Variants in SULF2 observed in about 807,000 individuals in gnomAD.
SULF2 encodes extracellular sulfatase Sulf-2.
SULF2 carries 52 observed loss-of-function variants against 107.7 expected under a neutral mutation model. The observed-to-expected ratio is 0.48, with a 90% CI of 0.39 to 0.61. The LOEUF is 0.61. SULF2 is among the 20% of genes least tolerant of loss of function. The probability of loss-of-function intolerance (pLI) is 0.00; values close to 1 mark genes in which losing one functional copy is unlikely to be tolerated. For missense variants in SULF2, 993 were observed against 1,177.3 expected (o/e 0.84, Z 2.29); for synonymous variants, 460 against 464.3 (o/e 0.99, Z 0.12).
intron 3 of SULF2, among the ~76,000 whole-genome samples, chr20:47,719,578 T>G (rs1030706893): frequency 6.6e-6 from 1 of 152,220 alleles, no homozygotes; most frequent in Non-Finnish European, 1.5e-5. Context: ...AATAAGCACC[T>G]ATCATCTCTA....
intron 2 of SULF2, among the ~76,000 whole-genome samples, chr20:47,752,875 C>T (rs981328952): frequency 3.9e-5 from 6 of 152,030 alleles, no homozygotes; most frequent in East Asian, 1.9e-4. Context: ...GCCGAGGCGG[C>T]GGACTGCTTG....
At chr20:47,661,367 T>C (rs1401911353) in intron 18 of SULF2, 2 of 154,088 alleles carry the variant, frequency 1.3e-5, no homozygotes, top group Non-Finnish European at 1.4e-5. Context: ...TTTTACCCTT[T>C]CCATACAAGC....
chr20:47,695,716 C>T (rs773122454), intron 4 of SULF2, among the ~76,000 whole-genome samples: 9 of 152,150 alleles, frequency 5.9e-5, no homozygotes, highest in South Asian at 2.1e-4. Context: ...TGGGTTCAAG[C>T]GATTCTCCTG....
Position 47,676,625 on chromosome 20 carries a change from T to A in SULF2, c.1251-2A>T. On this transcript the variant is annotated splice_acceptor_variant, in intron 9 of 20. Coordinates refer to ENST00000688720, the MANE Select transcript of SULF2 (RefSeq NM_001387048.1). LOFTEE classifies it high-confidence loss of function. ...TTGTCTCTCTTGTGTAGCAGCTTGCTATGGGGCAGAGAGCAGGAGCCGCGG... is the reference window on the plus strand; with the variant it reads ...TTGTCTCTCTTGTGTAGCAGCTTGCAATGGGGCAGAGAGCAGGAGCCGCGG... 5 of 1,550,678 alleles carry A rather than the reference T, an allele frequency of 3.2e-6. No individual in the cohort carries two copies. Among genetic ancestry groups the A allele is most frequent in the Non-Finnish European group, 4.4e-6 (5 of 1,147,556 alleles).
At chr20:47,677,163 A>G (rs745938934) in intron 8 of SULF2, 29 bp from the exon 9 acceptor site, 1 of 1,613,004 alleles carries the variant, frequency 6.2e-7, no homozygotes, top group Non-Finnish European at 8.5e-7. Flanking sequence ...CCTGCTTCTC[A>G]GCAACATGAG....
At position 47,665,943 on chromosome 20, in the gene SULF2, G is replaced by C. The variant is rs866772736; in HGVS notation, c.1816C>G (p.Leu606Val). ...TCACACTGGACTGTGTCGTTCTCTA[G>C]GATGTAGCACCTGCTTGAGAGAAGG... ...PIKVTHRCYI[L>V]ENDTVQCDLD... The change falls in exon 13 of 21, where the codon CTA (leucine) becomes GTA (valine). Residue 606 changes from leucine to valine, a missense_variant. Physicochemically the swap from Leu to Val is conservative, Grantham distance 32 (BLOSUM62 1). Coordinates refer to ENST00000688720, the MANE Select transcript of SULF2 (RefSeq NM_001387048.1). 14 of 1,613,970 alleles carry C rather than the reference G, an allele frequency of 8.7e-6. No homozygotes were observed. The highest frequency in any genetic ancestry group is 1.2e-5 in the Non-Finnish European group (14 of 1,179,988).
intron 3 of SULF2, among the ~76,000 whole-genome samples, chr20:47,716,964 T>C (rs1251884226): frequency 6.6e-6 from 1 of 152,194 alleles, no homozygotes; most frequent in Non-Finnish European, 1.5e-5. Flanking sequence ...GAGCTGTGAT[T>C]GTGCCACTGC....
intron 3 of SULF2, among the ~76,000 whole-genome samples, chr20:47,727,164 C>T (rs2089467007): frequency 6.6e-6 from 1 of 152,086 alleles, no homozygotes; most frequent in Admixed American, 6.6e-5. Flanking sequence ...TGAGGGTGAC[C>T]GTGTTTGTAA....
At chr20:47,731,436 G>A (rs987548447) in intron 3 of SULF2, among the ~76,000 whole-genome samples, 2 of 151,668 alleles carry the variant, frequency 1.3e-5, no homozygotes, top group African/African-American at 2.4e-5. Flanking sequence ...CAGGTGATCC[G>A]CCCATCCCTG....
chr20:47,663,051 T>C lies in SULF2; in HGVS notation c.2370+19A>G. 1 of 1,614,010 alleles carries C rather than the reference T, an allele frequency of 6.2e-7. No individual in the cohort carries two copies. Among genetic ancestry groups the C allele is most frequent in the Non-Finnish European group, 8.5e-7 (1 of 1,179,956 alleles). Reference sequence around the variant, plus strand: ...GGTGTACCCCACACCCCCATCCCTCTAGCTCGGGTTGCCTGTACCTGGTAG... The same window carrying C: ...GGTGTACCCCACACCCCCATCCCTCCAGCTCGGGTTGCCTGTACCTGGTAG... On this transcript the variant is annotated intron_variant, in intron 17 of 20. Coordinates refer to ENST00000688720, the MANE Select transcript of SULF2 (RefSeq NM_001387048.1).
intron 2 of SULF2, 100 bp downstream of exon 2, chr20:47,757,089 A>C (rs1600660412): frequency 9.0e-7 from 1 of 1,112,302 alleles, no homozygotes; most frequent in East Asian, 2.6e-5. Flanking sequence ...AAAAGTGAGC[A>C]CGACGCATCA....
intron 3 of SULF2, among the ~76,000 whole-genome samples, chr20:47,709,520 G>A (rs114549007): frequency 6.6e-6 from 1 of 152,316 alleles, no homozygotes; most frequent in African/African-American, 2.4e-5. Flanking sequence ...GTTGACTCCA[G>A]GAATGTGTGC....
intron 10 of SULF2, among the ~76,000 whole-genome samples, chr20:47,675,163 G>A (rs1340999179): frequency 2.6e-5 from 4 of 152,162 alleles, no homozygotes; most frequent in Admixed American, 6.5e-5. Context: ...TTCCCTCGTC[G>A]AGGGGCAAAG....
At chr20:47,686,280 T>C (rs997057100) in intron 5 of SULF2, 1 of 152,160 alleles carries the variant, frequency 6.6e-6, no homozygotes, top group Admixed American at 6.5e-5. Context: ...CAATGGGAGA[T>C]TAAACCAAAA....
chr20:47,715,224 T>C (rs1028093026), intron 3 of SULF2, among the ~76,000 whole-genome samples: 2 of 151,648 alleles, frequency 1.3e-5, no homozygotes, highest in African/African-American at 4.8e-5. Context: ...AGTCACCATG[T>C]CCAGCCTCAA....
chr20:47,663,029 G>A (rs529032859), intron 17 of SULF2, 41 bp downstream of exon 17: 5 of 1,612,708 alleles, frequency 3.1e-6, no homozygotes, highest in East Asian at 4.5e-5. Context: ...CAGCACTGGT[G>A]TACCCCACAC....
At chr20:47,682,645 C>T (rs1052365835) in intron 7 of SULF2, among the ~76,000 whole-genome samples, 1 of 152,180 alleles carries the variant, frequency 6.6e-6, no homozygotes, top group Non-Finnish European at 1.5e-5. Flanking sequence ...GGGGTTCCTC[C>T]CTGACAACCT....
chr20:47,746,243 C>T lies in SULF2; in HGVS notation c.176-9301G>A, dbSNP rs554375659. The stretch of plus-strand genomic sequence containing the variant: ...TGCAAAGGTAACGCTCTACTGGGGC[C>T]CAGAGACCTGCAGAGAACAGGCATT... On this transcript the variant is annotated intron_variant, in intron 2 of 20. Coordinates refer to ENST00000688720, the MANE Select transcript of SULF2 (RefSeq NM_001387048.1). 2.6e-5 allele frequency among the ~76,000 whole-genome samples: 4 copies of T among 152,326 alleles called. No homozygotes were observed. In the South Asian group the frequency reaches 8.3e-4, roughly 32 times the overall value.
At chr20:47,739,081 G>T (rs924139998) in intron 2 of SULF2, among the ~76,000 whole-genome samples, 5 of 152,112 alleles carry the variant, frequency 3.3e-5, no homozygotes, top group Admixed American at 2.0e-4. Context: ...GGCAAGGAAG[G>T]GCTCTCCCCT....
Sources: allele counts gnomAD v4.1 joint callset (sites outside exome capture counted in the v4.1 genomes callset), GRCh38; gene constraint gnomAD v4.1.1; transcripts MANE v1.5; gene names NCBI Gene and HGNC (gene_info 2026-07-23, HGNC 2026-07-21).